Variants in ZNF143 observed in about 807,000 individuals in gnomAD.
ZNF143 encodes zinc finger protein 143.
In ZNF143, 49 loss-of-function variants were observed where a neutral mutation model predicts 74.1. The ratio of observed to expected loss-of-function variants is 0.66; its 90% CI spans 0.53 to 0.84. The LOEUF (loss-of-function observed/expected upper bound fraction) is 0.84. Among genes scored for constraint, ZNF143 ranks in the 40% least tolerant of loss-of-function variants. ZNF143 has a pLI of 0.00. For synonymous variants in ZNF143, 304 were observed against 282.8 expected (o/e 1.07, Z -0.75); for missense variants, 637 against 793.4 (o/e 0.80, Z 2.37).
At chr11:9,492,999 T>C (rs1847835529) in intron 7 of ZNF143, among the ~76,000 whole-genome samples, 1 of 152,084 alleles carries the variant, frequency 6.6e-6, no homozygotes, top group Non-Finnish European at 1.5e-5. Flanking sequence ...TGTGGAATTA[T>C]ATTATTCTTT....
chr11:9,472,914 C>CTTTTTTTTTTTTTTTTTTTTTATTTTT (rs35668857), intron 3 of ZNF143, 145 bp downstream of exon 3: 1 of 312,870 alleles, frequency 3.2e-6, no homozygotes, highest in Non-Finnish European at 5.6e-6. Context: ...CAGTTTAATT[C>CTTTTTTTTTTTTTTTTTTTTTATTTTT]TTTTTTTTTT....
At chr11:9,485,633 C>G (rs1455564902) in intron 7 of ZNF143, among the ~76,000 whole-genome samples, 1 of 151,524 alleles carries the variant, frequency 6.6e-6, no homozygotes, top group Non-Finnish European at 1.5e-5. Context: ...AGCCACCGTG[C>G]CTGGCCTTGT....
intron 14 of ZNF143, among the ~76,000 whole-genome samples, chr11:9,518,545 C>T (rs1391052543): frequency 1.3e-5 from 2 of 152,120 alleles, no homozygotes; most frequent in Non-Finnish European, 2.9e-5. Flanking sequence ...GAAACCCCGT[C>T]TCTAATAAAA....
At chr11:9,522,580 G>A (rs576807772) in intron 14 of ZNF143, among the ~76,000 whole-genome samples, 47 of 152,168 alleles carry the variant, frequency 3.1e-4, no homozygotes, top group Non-Finnish European at 5.9e-4. Flanking sequence ...TGCAACCTCC[G>A]CCTCCCGGGT....
intron 7 of ZNF143, among the ~76,000 whole-genome samples, chr11:9,486,400 T>TA (rs1476107299): frequency 7.2e-5 from 2 of 27,924 alleles, no homozygotes; most frequent in Non-Finnish European, 1.2e-4. Flanking sequence ...ATATATAATA[T>TA]ATTATATATA....
At chr11:9,463,752 C>G (rs1306407503) in intron 1 of ZNF143, 1 of 151,996 alleles carries the variant, frequency 6.6e-6, no homozygotes, top group Non-Finnish European at 1.5e-5. Context: ...GAAGTAAGGA[C>G]TGGTTGTGTT....
At position 9,462,768 on chromosome 11, in the gene ZNF143, T is replaced by C. The variant is rs965761252; in HGVS notation, c.-8+1692T>C. On this transcript the variant is annotated intron_variant, in intron 1 of 15. Coordinates refer to ENST00000396602, the MANE Select transcript of ZNF143 (RefSeq NM_003442.6). ...CAGGCGCCTGTAATCCCAGTTACTC[T>C]GGAAGCTGAGGCAGGAGAATCGCTT... is the stretch of plus-strand genomic sequence containing the variant. 4.0e-5 allele frequency among the ~76,000 whole-genome samples: 6 copies of C among 151,880 alleles called. No homozygotes were observed. The South Asian group carries it at 6.2e-4, about 16-fold the overall frequency.
At chr11:9,508,950 G>C (rs77896631) in intron 12 of ZNF143, 104 bp downstream of exon 12, 3 of 1,176,382 alleles carry the variant, frequency 2.6e-6, no homozygotes, top group Non-Finnish European at 3.6e-6. Context: ...TGTGTCATTC[G>C]TATAATCACA....
At chr11:9,483,024 T>TA (rs1327029879) in intron 7 of ZNF143, among the ~76,000 whole-genome samples, 3 of 151,142 alleles carry the variant, frequency 2.0e-5, no homozygotes, top group Admixed American at 1.3e-4. Flanking sequence ...GATGGAGTCT[T>TA]ACTCTCTTGC....
chr11:9,471,233 A>C, intron 1 of ZNF143, 69 bp from the exon 2 acceptor site: 1 of 1,325,290 alleles, frequency 7.5e-7, no homozygotes, highest in Non-Finnish European at 1.0e-6. Context: ...GTGGTTCATA[A>C]ATATTCTTTG....
At chr11:9,510,501 T>C (rs781761167) in intron 12 of ZNF143, among the ~76,000 whole-genome samples, 11 of 152,146 alleles carry the variant, frequency 7.2e-5, no homozygotes, top group Non-Finnish European at 1.2e-4. Context: ...TAAACTAAGA[T>C]TGTTTTTCCA....
chr11:9,486,396 A>ATAATTATATATAT (rs1245802133), intron 7 of ZNF143, among the ~76,000 whole-genome samples: 45 of 11,916 alleles, frequency 3.8e-3, no homozygotes, highest in South Asian at 0.012. Context: ...TAATATATAT[A>ATAATTATATATAT]ATATATTATA....
chr11:9,497,333 G>T (rs1184259239), intron 9 of ZNF143, among the ~76,000 whole-genome samples: 1 of 152,006 alleles, frequency 6.6e-6, no homozygotes, highest in Non-Finnish European at 1.5e-5. Context: ...GGGTTCAAGC[G>T]ATTCTCCTGT....
At chr11:9,465,343 T>C (rs774152184) in intron 1 of ZNF143, among the ~76,000 whole-genome samples, 13 of 149,142 alleles carry the variant, frequency 8.7e-5, no homozygotes, top group East Asian at 2.0e-4. Flanking sequence ...CACGCCACCA[T>C]GCCCAGCTAA....
intron 10 of ZNF143, among the ~76,000 whole-genome samples, chr11:9,500,791 T>C (rs1456740802): frequency 6.6e-6 from 1 of 152,224 alleles, no homozygotes; most frequent in Non-Finnish European, 1.5e-5. Flanking sequence ...TTCTTTTATA[T>C]TTCTTATGTT....
At chr11:9,469,117 G>C (rs969178911) in intron 1 of ZNF143, among the ~76,000 whole-genome samples, 1 of 148,396 alleles carries the variant, frequency 6.7e-6, no homozygotes, top group Non-Finnish European at 1.5e-5. Flanking sequence ...CTCGGCTACA[G>C]TGAGATGCCA....
At chr11:9,510,199 A>T (rs537361499) in intron 12 of ZNF143, among the ~76,000 whole-genome samples, 1 of 149,212 alleles carries the variant, frequency 6.7e-6, no homozygotes, top group African/African-American at 2.5e-5. Context: ...ATCTCGGCTC[A>T]CTGCAAGCTT....
At chr11:9,464,773 AT>A (rs1210237563) in intron 1 of ZNF143, among the ~76,000 whole-genome samples, 3 of 151,648 alleles carry the variant, frequency 2.0e-5, no homozygotes, top group Non-Finnish European at 4.4e-5. Flanking sequence ...AATACAAAAA[AT>A]TAGCTGGGCA....
At chr11:9,477,165 TCCTTCCTCCTCTC>T (rs1856967434) in intron 5 of ZNF143, among the ~76,000 whole-genome samples, 1 of 129,118 alleles carries the variant, frequency 7.7e-6, no homozygotes, top group Non-Finnish European at 1.6e-5. Flanking sequence ...CTTCCTTCCT[TCCTTCCTCCTCTC>T]CCTTCCCTCC....
Sources: gnomAD v4.1 joint callset for allele counts (sites outside exome capture counted in the v4.1 genomes callset) on GRCh38, gnomAD v4.1.1 for gene constraint, MANE v1.5 for transcripts, NCBI Gene and HGNC (gene_info 2026-07-23, HGNC 2026-07-21) for gene names.